LPAR1: variants seen among roughly 807,000 people sequenced by gnomAD.
LPAR1 encodes the protein LPA receptor 1.
LPAR1 carries 5 observed loss-of-function variants against 23.8 expected under a neutral mutation model. That is an observed-to-expected ratio of 0.21 (90% CI 0.11 to 0.44). LPAR1 has a LOEUF of 0.44. Among genes scored for constraint, LPAR1 ranks in the 20% least tolerant of loss-of-function variants. The probability of loss-of-function intolerance (pLI) is 0.99; values close to 1 mark genes in which losing one functional copy is unlikely to be tolerated. For synonymous variants in LPAR1, 160 were observed against 164.7 expected (o/e 0.97, Z 0.22); for missense variants, 311 against 482.8 (o/e 0.64, Z 3.33).
chr9:110,946,056 A>G (rs2095365847), intron 4 of LPAR1, among the ~76,000 whole-genome samples: 1 of 152,232 alleles, frequency 6.6e-6, no homozygotes, highest in Non-Finnish European at 1.5e-5. Context: ...CTATCAGAAC[A>G]AACTGAAAAA....
chr9:110,982,007 A>T (rs2096677871), intron 2 of LPAR1, among the ~76,000 whole-genome samples: 2 of 152,310 alleles, frequency 1.3e-5, no homozygotes, highest in Admixed American at 1.3e-4. Flanking sequence ...GAAAATAGGA[A>T]TGCTTTTACA....
chr9:110,923,950 A>T (rs2093818829), intron 5 of LPAR1, among the ~76,000 whole-genome samples: 3 of 152,222 alleles, frequency 2.0e-5, no homozygotes, highest in Admixed American at 2.0e-4. Flanking sequence ...ATGTGGCCAC[A>T]TACATTCCTA....
At chr9:110,912,393 C>T (rs964938086) in intron 5 of LPAR1, among the ~76,000 whole-genome samples, 1 of 152,072 alleles carries the variant, frequency 6.6e-6, no homozygotes, top group South Asian at 2.1e-4. Context: ...AGATAGAATA[C>T]AAAACTTTAA....
At chr9:111,035,423 T>G (rs144891622) in intron 2 of LPAR1, among the ~76,000 whole-genome samples, 52 of 152,194 alleles carry the variant, frequency 3.4e-4, no homozygotes, top group Middle Eastern at 3.4e-3. Context: ...AGAGTCTCAC[T>G]ATGTTGCCCA....
chr9:110,937,001 G>A (rs1054288890), intron 5 of LPAR1, among the ~76,000 whole-genome samples: 4 of 152,130 alleles, frequency 2.6e-5, no homozygotes, highest in African/African-American at 9.7e-5. Flanking sequence ...GAGACTTCAA[G>A]CCTAGGGAGG....
intron 2 of LPAR1, among the ~76,000 whole-genome samples, chr9:111,020,603 T>C (rs1363442824): frequency 2.0e-5 from 3 of 152,200 alleles, no homozygotes; most frequent in Admixed American, 1.3e-4. Flanking sequence ...TGCCTCTTCC[T>C]GGCTTTGTCT....
chr9:111,000,613 G>A (rs1320146549), intron 2 of LPAR1, among the ~76,000 whole-genome samples: 2 of 152,186 alleles, frequency 1.3e-5, no homozygotes, highest in Admixed American at 6.5e-5. Context: ...TAGCCCAAAA[G>A]AATAAGCCTT....
intron 2 of LPAR1, among the ~76,000 whole-genome samples, chr9:111,000,675 T>C (rs371354836): frequency 4.6e-5 from 7 of 152,284 alleles, no homozygotes; most frequent in African/African-American, 1.2e-4. Context: ...TGGTTAGAAC[T>C]CCAAAGTCTA....
At chr9:111,003,355 T>C (rs944305742) in intron 2 of LPAR1, among the ~76,000 whole-genome samples, 1 of 152,078 alleles carries the variant, frequency 6.6e-6, no homozygotes. Context: ...AGTCAACACA[T>C]GCACCCTCGC....
chr9:110,981,298 C>T (rs916402528), intron 2 of LPAR1, among the ~76,000 whole-genome samples: 7 of 152,020 alleles, frequency 4.6e-5, no homozygotes, highest in Admixed American at 2.6e-4. Context: ...AATCCAACTG[C>T]CTAGGTTCAA....
chr9:110,921,248 T>C (rs1021537952), intron 5 of LPAR1, among the ~76,000 whole-genome samples: 9 of 152,186 alleles, frequency 5.9e-5, no homozygotes, highest in African/African-American at 2.2e-4. Context: ...TACTCCAGTA[T>C]AGGTGACAGA....
At chr9:111,000,283 G>C (rs1375245087) in intron 2 of LPAR1, among the ~76,000 whole-genome samples, 1 of 152,144 alleles carries the variant, frequency 6.6e-6, no homozygotes, top group Non-Finnish European at 1.5e-5. Flanking sequence ...CAGTAGTCCA[G>C]TTCTAAAAAG....
At chr9:110,943,865 CAA>C (rs11361205) in intron 4 of LPAR1, among the ~76,000 whole-genome samples, 1,759 of 109,774 alleles carry the variant, frequency 0.016, 33 homozygotes, top group African/African-American at 0.051. Flanking sequence ...AACTCCATCT[CAA>C]AAAAAAAAAA....
At chr9:110,915,866 C>T (rs192421743) in intron 5 of LPAR1, among the ~76,000 whole-genome samples, 1 of 152,246 alleles carries the variant, frequency 6.6e-6, no homozygotes, top group East Asian at 1.9e-4. Context: ...AGTGTGCCTT[C>T]TTTTCCTCTC....
At chr9:110,926,311 A>T (rs946525200) in intron 5 of LPAR1, among the ~76,000 whole-genome samples, 5 of 152,248 alleles carry the variant, frequency 3.3e-5, no homozygotes, top group African/African-American at 1.2e-4. Flanking sequence ...ATTAAAGCCT[A>T]TGAACAAGCA....
chr9:110,904,437 T>G (rs528333459), intron 5 of LPAR1, among the ~76,000 whole-genome samples: 1 of 152,256 alleles, frequency 6.6e-6, no homozygotes, highest in South Asian at 2.1e-4. Context: ...ATAAGTCACA[T>G]GTGTATTGTA....
In LPAR1 at chr9:110,875,252, T is replaced by C; in HGVS notation, c.*169A>G. 1.8e-6 allele frequency: 1 copy of C among 547,256 alleles called. No individual in the cohort carries two copies. Among genetic ancestry groups the C allele is most frequent in the South Asian group, 3.3e-5 (1 of 30,314 alleles). The allele number at this position is 547,256 out of a possible 1,614,324, so 33.9% of individuals were successfully genotyped here. On this transcript the variant is annotated 3_prime_UTR_variant, in exon 6 of 6. Transcript: ENST00000683809. The stretch of plus-strand genomic sequence containing the variant: ...TTGTCACATAAGCTAATTTTCAATA[T>C]ATATCAAGTCTTGTGGGGTCCAGGA...
chr9:110,995,492 T>C (rs1167228268), intron 2 of LPAR1, among the ~76,000 whole-genome samples: 1 of 152,154 alleles, frequency 6.6e-6, no homozygotes, highest in Non-Finnish European at 1.5e-5. Context: ...TTACCATTCT[T>C]CCTCATTGAA....
Position 110,875,403 on chromosome 9 carries a change from C to T in LPAR1, c.*18G>A, listed in dbSNP as rs2078836327. On this transcript the variant is annotated 3_prime_UTR_variant, in exon 6 of 6. Transcript: ENST00000683809. ...TCCTCCAAGAGAGGACGGCTGGTTCCTCATCTCAGTTTCCGTTCTAAACCA... is the reference window on the plus strand; with the variant it reads ...TCCTCCAAGAGAGGACGGCTGGTTCTTCATCTCAGTTTCCGTTCTAAACCA... The T allele has an allele frequency of 5.6e-6, 9 of 1,594,070 alleles. No homozygotes were observed. The highest frequency in any genetic ancestry group is 7.7e-6 in the Non-Finnish European group (9 of 1,166,502).
Sources: gnomAD v4.1 joint callset for allele counts (sites outside exome capture counted in the v4.1 genomes callset) on GRCh38, gnomAD v4.1.1 for gene constraint, MANE v1.5 for transcripts, NCBI Gene and HGNC (gene_info 2026-07-23, HGNC 2026-07-21) for gene names.